Variants in EDIL3 observed in about 807,000 individuals in gnomAD.
EDIL3 encodes the protein EGF-like repeat and discoidin I-like domain-containing protein 3.
EDIL3 carries 37 observed loss-of-function variants against 67.4 expected under a neutral mutation model. The observed-to-expected ratio is 0.55, with a 90% CI of 0.42 to 0.72. The LOEUF (loss-of-function observed/expected upper bound fraction) is 0.72, where lower values mean the gene tolerates loss of function less well. Among genes scored for constraint, EDIL3 ranks in the 30% least tolerant of loss-of-function variants. EDIL3 has a pLI of 0.00. For missense variants in EDIL3, 527 were observed against 586.3 expected, an observed-to-expected ratio of 0.90 and a Z score of 1.04; for synonymous variants, 195 against 196.3, an observed-to-expected ratio of 0.99 and a Z score of 0.05.
chr5:84,264,428 A>G (rs1745305472), intron 1 of EDIL3, among the ~76,000 whole-genome samples: 1 of 152,140 alleles, frequency 6.6e-6, no homozygotes, highest in South Asian at 2.1e-4. Context: ...CTGAGGGCCC[A>G]CACAAGAACT....
chr5:84,272,579 T>C (rs1745498816), intron 1 of EDIL3, among the ~76,000 whole-genome samples: 1 of 152,170 alleles, frequency 6.6e-6, no homozygotes, highest in Non-Finnish European at 1.5e-5. Context: ...AACATGAGGT[T>C]GGCCTTAATA....
intron 1 of EDIL3, among the ~76,000 whole-genome samples, chr5:84,315,764 A>G (rs1746500151): frequency 6.6e-6 from 1 of 152,118 alleles, no homozygotes; most frequent in Admixed American, 6.5e-5. Flanking sequence ...AGAGAACACC[A>G]CAAAGACATT....
intron 9 of EDIL3, among the ~76,000 whole-genome samples, chr5:84,016,666 T>C (rs754754843): frequency 6.6e-6 from 1 of 152,236 alleles, no homozygotes; most frequent in Non-Finnish European, 1.5e-5. Context: ...ATCATCTTCA[T>C]GCTATGTTCA....
intron 6 of EDIL3, among the ~76,000 whole-genome samples, chr5:84,070,219 G>A (rs1746712352): frequency 6.6e-6 from 1 of 152,166 alleles, no homozygotes; most frequent in South Asian, 2.1e-4. Flanking sequence ...GGTACACCAA[G>A]GCAAGAACCC....
chr5:83,963,205 C>T lies in EDIL3; in HGVS notation c.1293G>A (p.Lys431=), dbSNP rs764257952. Reference sequence around the variant, plus strand: ...TTATAAACCGATTTGGCTGACTTACCTTATCTTTTCTTTGCTTTTCATCCT... The same window carrying T: ...TTATAAACCGATTTGGCTGACTTACTTTATCTTTTCTTTGCTTTTCATCCT... ...VYQDEKQRKD[K]VFQGNFDNDT... The change falls in exon 10 of 11, where the codon AAG becomes AAA. Residue 431 remains lysine (K), a splice_region_variant and synonymous_variant. Coordinates refer to ENST00000296591, the MANE Select transcript of EDIL3 (RefSeq NM_005711.5). 8 of 1,588,762 alleles carry T rather than the reference C, an allele frequency of 5.0e-6. No individual in the cohort carries two copies. Among genetic ancestry groups the T allele is most frequent in the South Asian group, 4.6e-5 (4 of 86,112 alleles).
chr5:84,110,584 CAT>C (rs1409527276), intron 5 of EDIL3, among the ~76,000 whole-genome samples: 1 of 152,132 alleles, frequency 6.6e-6, no homozygotes. Context: ...AGTGTACCCA[CAT>C]GTGTTTTCTC....
At chr5:84,236,529 A>G (rs1205433683) in intron 2 of EDIL3, among the ~76,000 whole-genome samples, 1 of 152,002 alleles carries the variant, frequency 6.6e-6, no homozygotes, top group Non-Finnish European at 1.5e-5. Flanking sequence ...ACTCCTTAGT[A>G]TTTATTTCAG....
At chr5:84,044,285 C>T (rs1746182658) in intron 9 of EDIL3, among the ~76,000 whole-genome samples, 1 of 152,098 alleles carries the variant, frequency 6.6e-6, no homozygotes. Flanking sequence ...ACTCCCTTTC[C>T]TACAGGACTC....
chr5:84,163,355 A>G (rs1279923631), intron 4 of EDIL3, among the ~76,000 whole-genome samples: 1 of 152,156 alleles, frequency 6.6e-6, no homozygotes, highest in Non-Finnish European at 1.5e-5. Context: ...TGTCACTTAC[A>G]TTCCTATGAG....
intron 1 of EDIL3, among the ~76,000 whole-genome samples, chr5:84,358,735 G>A (rs1359344354): frequency 2.0e-5 from 3 of 148,468 alleles, no homozygotes; most frequent in Non-Finnish European, 3.0e-5. Flanking sequence ...TCAGCCTCCC[G>A]AGTAGCTGGG....
chr5:84,300,854 T>A (rs1447411770), intron 1 of EDIL3, among the ~76,000 whole-genome samples: 1 of 152,130 alleles, frequency 6.6e-6, no homozygotes, highest in Non-Finnish European at 1.5e-5. Context: ...TATACCATCA[T>A]TAAGTGGTAG....
intron 3 of EDIL3, among the ~76,000 whole-genome samples, chr5:84,183,165 G>C (rs955463858): frequency 6.6e-6 from 1 of 151,790 alleles, no homozygotes; most frequent in African/African-American, 2.4e-5. Context: ...CTATAACTTA[G>C]GTCTTCGTCA....
At chr5:83,957,836 A>G (rs935855671) in intron 10 of EDIL3, among the ~76,000 whole-genome samples, 7 of 151,798 alleles carry the variant, frequency 4.6e-5, no homozygotes, top group African/African-American at 1.4e-4. Flanking sequence ...TTCTCATTAG[A>G]CTGGGAGACT....
At chr5:83,999,216 C>T (rs113499352) in intron 9 of EDIL3, among the ~76,000 whole-genome samples, 10 of 152,096 alleles carry the variant, frequency 6.6e-5, no homozygotes, top group African/African-American at 1.7e-4. Flanking sequence ...AGAATAACTA[C>T]GTAAGTCTTC....
chr5:84,146,655 C>T (rs1371308028), intron 4 of EDIL3, among the ~76,000 whole-genome samples: 1 of 152,038 alleles, frequency 6.6e-6, no homozygotes. Flanking sequence ...CATTTGTTCC[C>T]TTTTTATTCC....
At chr5:84,052,644 G>C (rs1746363210) in intron 9 of EDIL3, among the ~76,000 whole-genome samples, 1 of 152,118 alleles carries the variant, frequency 6.6e-6, no homozygotes, top group South Asian at 2.1e-4. Context: ...ACAAAAAAAG[G>C]CAGGGGTTGC....
intron 9 of EDIL3, among the ~76,000 whole-genome samples, chr5:83,976,143 T>C (rs958898875): frequency 3.9e-5 from 6 of 151,942 alleles, no homozygotes; most frequent in African/African-American, 1.4e-4. Flanking sequence ...AGATTAATAC[T>C]CTGTATTTTG....
chr5:84,173,231 G>C (rs998665130), intron 4 of EDIL3, among the ~76,000 whole-genome samples: 1 of 152,132 alleles, frequency 6.6e-6, no homozygotes, highest in East Asian at 1.9e-4. Flanking sequence ...TGTTGCAGGG[G>C]GTGGATCTGA....
At chr5:84,111,691 G>A (rs1747567850) in intron 5 of EDIL3, among the ~76,000 whole-genome samples, 1 of 152,190 alleles carries the variant, frequency 6.6e-6, no homozygotes, top group African/African-American at 2.4e-5. Context: ...GGTGAATCAA[G>A]TGTGGGTGTC....
Sources: gnomAD v4.1 joint callset for allele counts (sites outside exome capture counted in the v4.1 genomes callset) on GRCh38, gnomAD v4.1.1 for gene constraint, MANE v1.5 for transcripts, NCBI Gene and HGNC (gene_info 2026-07-23, HGNC 2026-07-21) for gene names.